Variants in ABCC6 observed in about 807,000 individuals in gnomAD.
ABCC6 encodes the protein ATP-binding cassette sub-family C member 6.
ABCC6 carries 126 observed loss-of-function variants against 169.5 expected under a neutral mutation model. The ratio of observed to expected loss-of-function variants is 0.74; its 90% CI spans 0.64 to 0.86. The LOEUF is 0.86. ABCC6 is among the 40% of genes least tolerant of loss of function. The pLI is 0.00. For synonymous variants in ABCC6, 752 were observed against 814.7 expected (o/e 0.92, Z 1.31); for missense variants, 1,733 against 1,927.2 (o/e 0.90, Z 1.89).
At chr16:16,192,505 C>T (rs9932889) in intron 11 of ABCC6, among the ~76,000 whole-genome samples, 150,511 of 152,216 alleles carry the variant, frequency 0.99, 74,428 homozygotes, top group Middle Eastern at 1. Flanking sequence ...TCATGGGGTT[C>T]GGAGAGCCTA....
intron 23 of ABCC6, among the ~76,000 whole-genome samples, chr16:16,163,684 G>A (rs1261114118): frequency 2.0e-5 from 3 of 152,126 alleles, no homozygotes; most frequent in Non-Finnish European, 4.4e-5. Context: ...CAGGTGATGT[G>A]CAGAAAATAT....
Position 16,187,141 on chromosome 16 carries a change from G to C in ABCC6, c.1850C>G (p.Ser617Ter), listed in dbSNP as rs2047676193. 4 of 1,609,556 alleles carry C rather than the reference G, an allele frequency of 2.5e-6. No individual in the cohort carries two copies. Among genetic ancestry groups the C allele is most frequent in the Non-Finnish European group, 3.4e-6 (4 of 1,177,682 alleles). Residue 617 changes from serine (S) to a stop codon, truncating the protein, a stop_gained, in exon 14 of 31, where the codon TCA becomes TGA. Coordinates refer to ENST00000205557, the MANE Select transcript of ABCC6 (RefSeq NM_001171.6). LOFTEE classifies it high-confidence loss of function. ...GCACTCACCGCTTCCAGAGGAACTTGAGTCTACGACACCAGGGTCAACTTC... is the reference window on the plus strand; with the variant it reads ...GCACTCACCGCTTCCAGAGGAACTTCAGTCTACGACACCAGGGTCAACTTC... Reference protein sequence around the residue: ...LEEVDPGVVDSSSSGSAAGKD... With the variant: ...LEEVDPGVVD
At chr16:16,189,961 C>T (rs2047790028) in intron 12 of ABCC6, among the ~76,000 whole-genome samples, 1 of 152,146 alleles carries the variant, frequency 6.6e-6, no homozygotes, top group Non-Finnish European at 1.5e-5. Context: ...CAGACTTTAT[C>T]AGCCACTGCC....
intron 30 of ABCC6, 87 bp downstream of exon 30, chr16:16,150,491 C>G (rs2046355349): frequency 2.0e-6 from 3 of 1,530,196 alleles, no homozygotes; most frequent in South Asian, 2.5e-5. Flanking sequence ...AGCTCTAACC[C>G]GAAGCCCAGT....
Position 16,198,200 on chromosome 16 carries a change from G to A in ABCC6, c.1177-18C>T. The A allele has an allele frequency of 6.4e-7, 1 of 1,574,402 alleles. No homozygotes were observed. Among genetic ancestry groups the A allele is most frequent in the Non-Finnish European group, 8.6e-7 (1 of 1,159,094 alleles). On this transcript the variant is annotated intron_variant, in intron 9 of 30. Coordinates refer to ENST00000205557, the MANE Select transcript of ABCC6 (RefSeq NM_001171.6). The stretch of plus-strand genomic sequence containing the variant: ...GCCAGGACCTGGCGGGTGGGCAGAA[G>A]GAGAGAAGTAAAGTGGGGAGGCCGG...
chr16:16,180,105 T>C (rs899045448), intron 17 of ABCC6, among the ~76,000 whole-genome samples: 2 of 152,148 alleles, frequency 1.3e-5, no homozygotes, highest in Non-Finnish European at 2.9e-5. Context: ...CTGCCACTGA[T>C]CTGACAGGAG....
intron 29 of ABCC6, among the ~76,000 whole-genome samples, chr16:16,151,191 G>A (rs1231364214): frequency 1.3e-5 from 2 of 152,066 alleles, no homozygotes; most frequent in African/African-American, 4.8e-5. Context: ...AGCCTCCCAA[G>A]TAGCTGGAAT....
chr16:16,220,921 G>A (rs2049049996), intron 2 of ABCC6, among the ~76,000 whole-genome samples: 1 of 151,370 alleles, frequency 6.6e-6, no homozygotes, highest in Admixed American at 6.6e-5. Flanking sequence ...AAACAAAAAA[G>A]TAACACAGTC....
chr16:16,214,523 C>G (rs1486294879), intron 4 of ABCC6, 74 bp from the exon 5 acceptor site: 1 of 1,550,394 alleles, frequency 6.4e-7, no homozygotes, highest in African/African-American at 1.4e-5. Context: ...GGTTTCTGAT[C>G]TTGGGTCAGT....
rs72664215 is a variant in ABCC6 at position 16,150,567 on chromosome 16, G to C, written c.4403+11C>G. 6.8e-5 allele frequency: 109 copies of C among 1,605,416 alleles called. No homozygotes were observed. The East Asian group carries it at 2.4e-3, about 35-fold the overall frequency. On this transcript the variant is annotated intron_variant, in intron 30 of 30. Coordinates refer to ENST00000205557, the MANE Select transcript of ABCC6 (RefSeq NM_001171.6). ...GGCTGCTGTGAGGTCAGGCCGGGGCGGGAGCCTTACCGGGCACAGTCCATC... is the reference window on the plus strand; with the variant it reads ...GGCTGCTGTGAGGTCAGGCCGGGGCCGGAGCCTTACCGGGCACAGTCCATC...
chr16:16,198,705 G>T, intron 9 of ABCC6, among the ~76,000 whole-genome samples: 1 of 150,876 alleles, frequency 6.6e-6, no homozygotes. Context: ...TAAAAAATTA[G>T]CCAGGGGGCC....
rs887942601 is a variant in ABCC6 at position 16,150,040 on chromosome 16, G to A, written c.*93C>T. On this transcript the variant is annotated 3_prime_UTR_variant, in exon 31 of 31. Coordinates refer to ENST00000205557, the MANE Select transcript of ABCC6 (RefSeq NM_001171.6). ...CAAACACAGGTCTAGACTCAATATC[G>A]TGTGGAGCTATCGATGACCACGGGT... The A allele has an allele frequency of 1.4e-5, 22 of 1,540,560 alleles. No individual in the cohort carries two copies. The highest frequency in any genetic ancestry group is 2.3e-5 in the South Asian group (2 of 85,508).
At position 16,182,838 on chromosome 16, in the gene ABCC6, T is replaced by A; in HGVS notation, c.2036A>T (p.Glu679Val). 1 of 1,613,660 alleles carries A rather than the reference T, an allele frequency of 6.2e-7. No homozygotes were observed. Among genetic ancestry groups the A allele is most frequent in the Non-Finnish European group, 8.5e-7 (1 of 1,179,936 alleles). ...CACGAACCCCTCCACCTTTGACAGC[T>A]CCCCAAGGAGGGCGGACAGCAGGGA... ...KSSLLSALLGELSKVEGFVSI... is the reference protein window; with the variant it reads ...KSSLLSALLGVLSKVEGFVSI... The change falls in exon 16 of 31, where the codon GAG (glutamate) becomes GTG (valine). Residue 679 changes from glutamate to valine, a missense_variant. Physicochemically the swap from Glu to Val is moderately radical, Grantham distance 121 (BLOSUM62 -2). This residue lies in a region of ABCC6 where 1,601 missense variants were observed against 1,635.5 expected (regional missense o/e 0.98). Transcript: ENST00000205557.
chr16:16,173,509 T>C, intron 20 of ABCC6, 105 bp from the exon 21 acceptor site: 2 of 1,334,180 alleles, frequency 1.5e-6, no homozygotes, highest in Non-Finnish European at 1.1e-6. Context: ...CTGGGTACAC[T>C]CTGTACTCTT....
At chr16:16,200,429 GA>G (rs773448065) in intron 9 of ABCC6, among the ~76,000 whole-genome samples, 1,010 of 46,992 alleles carry the variant, frequency 0.021, 10 homozygotes, top group African/African-American at 0.052. Context: ...AACTCTGTCA[GA>G]AAAAAAAAAA....
intron 20 of ABCC6, among the ~76,000 whole-genome samples, chr16:16,174,635 T>A (rs1354904874): frequency 6.6e-6 from 1 of 151,210 alleles, no homozygotes; most frequent in Non-Finnish European, 1.5e-5. Flanking sequence ...CATGTGCCTG[T>A]AGTCCCAGCT....
chr16:16,155,037 C>A lies in ABCC6; in HGVS notation c.3883-6G>T. 1 of 1,551,642 alleles carries A rather than the reference C, an allele frequency of 6.4e-7. No individual in the cohort carries two copies. The stretch of plus-strand genomic sequence containing the variant: ...GTCCTGCCAACGATGCCCACCTGCC[C>A]GGGGTTGGGAGGAAAGGCCTGCTCT... On this transcript the variant is annotated splice_polypyrimidine_tract_variant and splice_region_variant and intron_variant, in intron 27 of 30. Transcript: ENST00000205557.
intron 7 of ABCC6, among the ~76,000 whole-genome samples, chr16:16,204,208 A>T (rs1022515486): frequency 3.9e-5 from 6 of 152,022 alleles, no homozygotes; most frequent in Non-Finnish European, 8.8e-5. Context: ...GGCAAGTGCC[A>T]CCATACCCAG....
intron 22 of ABCC6, among the ~76,000 whole-genome samples, chr16:16,166,925 A>AAAC (rs527536623): frequency 7.2e-4 from 108 of 150,814 alleles, no homozygotes; most frequent in African/African-American, 2.5e-3. Flanking sequence ...AAACAAAAAA[A>AAAC]CCAAAAAAAC....
Sources: gnomAD v4.1 joint callset for allele counts (sites outside exome capture counted in the v4.1 genomes callset) on GRCh38, gnomAD v4.1.1 for gene constraint, gnomAD v4.1.1 regional missense constraint, MANE v1.5 for transcripts, NCBI Gene and HGNC (gene_info 2026-07-23, HGNC 2026-07-21) for gene names.